Variants in FMR1 observed in about 807,000 individuals in gnomAD.
FMR1 encodes the protein fragile X messenger ribonucleoprotein 1.
Under a neutral mutation model 50.6 loss-of-function variants are expected in FMR1, and 13 were observed. The observed-to-expected ratio is 0.26, with a 90% CI of 0.17 to 0.41. The LOEUF is 0.41. Ranked by LOEUF, FMR1 falls within the 10% of genes least tolerant of loss-of-function variation. FMR1 has a pLI of 1.00. For missense variants in FMR1, 316 were observed against 491.3 expected (o/e 0.64, Z 3.37); for synonymous variants, 138 against 164.1 (o/e 0.84, Z 1.22).
In FMR1 at chrX:147,937,776, A is replaced by G. The variant is rs113327806; in HGVS notation, c.1125+176A>G. Among the ~76,000 whole-genome samples the G allele has an allele frequency of 4.1e-3, 459 of 112,027 alleles. 1 individual carries two copies. Among genetic ancestry groups the G allele is most frequent in the African/African-American group, 0.014 (439 of 30,850 alleles). On this transcript the variant is annotated intron_variant, in intron 11 of 16. Transcript: ENST00000370475. ...AAATTAGTGTGATACATACTTTTCA[A>G]TTTATTCACAGTAACAACTCTTATG... is the stretch of plus-strand genomic sequence containing the variant.
chrX:147,916,600 C>A (rs868975479), intron 1 of FMR1, among the ~76,000 whole-genome samples: 1 of 110,014 alleles, frequency 9.1e-6, no homozygotes, highest in South Asian at 3.8e-4. Flanking sequence ...TCCTTTCTTT[C>A]CTTTCTTCCT....
chrX:147,927,288 C>T (rs924409866), intron 3 of FMR1, among the ~76,000 whole-genome samples: 1 of 111,549 alleles, frequency 9.0e-6, no homozygotes, highest in African/African-American at 3.3e-5. Context: ...CTTGACAGAT[C>T]GGGACCAATG....
intron 2 of FMR1, among the ~76,000 whole-genome samples, chrX:147,923,745 C>G (rs1282903744): frequency 1.8e-5 from 2 of 111,906 alleles, no homozygotes; most frequent in Admixed American, 1.9e-4. Context: ...TGAAATAGAT[C>G]ATTGATTTTT....
chrX:147,917,172 A>G (rs1253215192), intron 1 of FMR1, among the ~76,000 whole-genome samples: 7 of 112,112 alleles, frequency 6.2e-5, no homozygotes, highest in South Asian at 3.7e-4. Flanking sequence ...TCGGGTGTAC[A>G]TTGAAACTTT....
chrX:147,912,669 C>G, intron 1 of FMR1: 1 of 300,659 alleles, frequency 3.3e-6, no homozygotes, highest in Non-Finnish European at 5.8e-6. Context: ...TCAGCCGGGC[C>G]GCCTCCTGCA....
chrX:147,944,259 G>A (rs2044100512), intron 14 of FMR1: 1 of 750,894 alleles, frequency 1.3e-6, no homozygotes, highest in Non-Finnish European at 1.6e-6. Flanking sequence ...ATTTATTATA[G>A]TAATTCTTTA....
At chrX:147,938,389 G>A (rs1317475993) in intron 12 of FMR1, among the ~76,000 whole-genome samples, 1 of 111,291 alleles carries the variant, frequency 9.0e-6, no homozygotes, top group Non-Finnish European at 1.9e-5. Flanking sequence ...CTTCTCCCTT[G>A]CACTCTAGAG....
chrX:147,941,132 C>CT (rs1354814864), intron 13 of FMR1, among the ~76,000 whole-genome samples: 1 of 111,758 alleles, frequency 8.9e-6, no homozygotes, highest in East Asian at 2.8e-4. Context: ...CTATTTGTGT[C>CT]TTCTCATAAA....
chrX:147,930,515 A>G (rs186723250), intron 7 of FMR1, among the ~76,000 whole-genome samples: 5 of 112,004 alleles, frequency 4.5e-5, no homozygotes, highest in East Asian at 2.8e-4. Context: ...AAATGCGGCA[A>G]TGCTTCTTCC....
At chrX:147,921,685 T>A (rs782151040) in intron 1 of FMR1, among the ~76,000 whole-genome samples, 156 of 111,729 alleles carry the variant, frequency 1.4e-3, no homozygotes, top group Non-Finnish European at 2.3e-3. Flanking sequence ...TTTTTCGAGA[T>A]GTTGAAATCT....
rs182854568 is a variant in FMR1 at position 147,919,108 on chromosome X, A to T, written c.52-2825A>T. On this transcript the variant is annotated intron_variant, in intron 1 of 16. Transcript: ENST00000370475. ...CTGCCAAGATGTATAAACATTATGAAACCTTAAACAAGGATGAACACAGAA... is the reference window on the plus strand; with the variant it reads ...CTGCCAAGATGTATAAACATTATGATACCTTAAACAAGGATGAACACAGAA... Among the ~76,000 whole-genome samples, 6 of 111,916 alleles carry T rather than the reference A, an allele frequency of 5.4e-5. No homozygotes were observed. In the Admixed American group the frequency reaches 5.7e-4, roughly 11 times the overall value.
chrX:147,933,704 T>A (rs1455439922), intron 9 of FMR1: 1 of 719,090 alleles, frequency 1.4e-6, no homozygotes, highest in Non-Finnish European at 1.7e-6. Flanking sequence ...TTTTTTATCT[T>A]TTAAACTTGA....
At chrX:147,924,567 A>G (rs1414474842) in intron 2 of FMR1, among the ~76,000 whole-genome samples, 2 of 102,455 alleles carry the variant, frequency 2.0e-5, no homozygotes, top group African/African-American at 7.3e-5. Flanking sequence ...GCTGGAGTGC[A>G]GTGGCATGAT....
rs1447520131 is a variant in FMR1 at position 147,932,320 on chromosome X, A to G, written c.631-105A>G. On this transcript the variant is annotated intron_variant, in intron 7 of 16. Coordinates refer to ENST00000370475, the MANE Select transcript of FMR1 (RefSeq NM_002024.6). ...TTTAACCTAAAACTATTAATAATTT[A>G]TGGACCCCTCATATACAGGGTCAAG... 1.1e-5 allele frequency: 8 copies of G among 707,237 alleles called. No homozygotes were observed. The East Asian group carries it at 1.9e-4, about 17-fold the overall frequency. The allele number at this position is 707,237 out of a possible 1,213,427, so 58.3% of individuals were successfully genotyped here. A position where few individuals can be genotyped will look rare whatever the true frequency, so the allele number is the denominator to read the frequency against.
chrX:147,912,680 G>T (rs1357015797), intron 1 of FMR1: 1 of 299,462 alleles, frequency 3.3e-6, no homozygotes, highest in East Asian at 4.7e-5. Flanking sequence ...GCCTCCTGCA[G>T]CGCCAAGAGG....
At chrX:147,916,008 T>A (rs1290893527) in intron 1 of FMR1, among the ~76,000 whole-genome samples, 1 of 112,560 alleles carries the variant, frequency 8.9e-6, no homozygotes, top group Admixed American at 9.4e-5. Context: ...AGTGTTATAT[T>A]ACCATTTTTT....
At chrX:147,927,815 T>C (rs1409158715) in intron 3 of FMR1, 1 of 112,824 alleles carries the variant, frequency 8.9e-6, no homozygotes, top group Non-Finnish European at 1.8e-5. Context: ...TGACCAAGGA[T>C]CTGTCCATTT....
intron 1 of FMR1, 49 bp from the exon 2 acceptor site, chrX:147,921,884 A>G (rs782515227): frequency 2.3e-6 from 2 of 883,362 alleles, no homozygotes; most frequent in Admixed American, 4.5e-5. Flanking sequence ...ACTAAAAACA[A>G]AAACTATCTT....
chrX:147,934,294 A>G (rs893842813), intron 9 of FMR1, among the ~76,000 whole-genome samples: 2 of 110,304 alleles, frequency 1.8e-5, no homozygotes, highest in Non-Finnish European at 3.8e-5. Context: ...TAGTGGGGAA[A>G]GTGCTTGGGC....
Sources: allele counts gnomAD v4.1 joint callset (sites outside exome capture counted in the v4.1 genomes callset), GRCh38; gene constraint gnomAD v4.1.1; transcripts MANE v1.5; gene names NCBI Gene and HGNC (gene_info 2026-07-23, HGNC 2026-07-21).